The following TMEM163 variants were observed in gnomAD, a reference collection of about 807,000 sequenced individuals.
TMEM163 encodes the protein transmembrane protein 163.
A neutral mutation model predicts 29.3 loss-of-function variants in TMEM163; 17 were observed. The observed-to-expected ratio is 0.58, with a 90% confidence interval of 0.40 to 0.87. The LOEUF (loss-of-function observed/expected upper bound fraction) is 0.87, where lower values mean the gene tolerates loss of function less well. TMEM163 is among the 40% of genes least tolerant of loss of function. The pLI, the probability that TMEM163 is intolerant of heterozygous loss-of-function variation, is 0.00. For missense variants in TMEM163, 303 were observed against 381.5 expected (o/e 0.79, Z 1.71); for synonymous variants, 157 against 160.6 (o/e 0.98, Z 0.17).
At position 134,516,660 on chromosome 2, in the gene TMEM163, T is replaced by G. The variant is rs867466970; in HGVS notation, c.459-13663A>C. On this transcript the variant is annotated intron_variant, in intron 4 of 7. Coordinates refer to ENST00000281924, the MANE Select transcript of TMEM163 (RefSeq NM_030923.5). Reference sequence around the variant, plus strand: ...ATTCATACTTATATTCATACATATATTCATACATATAGTCATACATATATG... The same window carrying G: ...ATTCATACTTATATTCATACATATAGTCATACATATAGTCATACATATATG... Among the ~76,000 whole-genome samples, 119 of 147,514 alleles carry G rather than the reference T, an allele frequency of 8.1e-4. 2 individuals are homozygous for G. In the Middle Eastern group the frequency reaches 0.014, roughly 18 times the overall value.
chr2:134,465,196 A>AAAAAAAAAC (rs1171953438), intron 6 of TMEM163, among the ~76,000 whole-genome samples: 2 of 139,640 alleles, frequency 1.4e-5, no homozygotes, highest in East Asian at 2.2e-4. Context: ...CTTTAAAAAA[A>AAAAAAAAAC]AAAAAAACAA....
chr2:134,486,472 T>C (rs945787964), intron 5 of TMEM163, among the ~76,000 whole-genome samples: 7 of 152,296 alleles, frequency 4.6e-5, no homozygotes, highest in Non-Finnish European at 1.0e-4. Context: ...GTAAACACTA[T>C]TAGCAACAAA....
intron 2 of TMEM163, among the ~76,000 whole-genome samples, chr2:134,629,101 A>G (rs1682915462): frequency 6.6e-6 from 1 of 152,188 alleles, no homozygotes. Context: ...TTTTACATGT[A>G]TTACCTCATT....
intron 2 of TMEM163, among the ~76,000 whole-genome samples, chr2:134,669,740 A>C (rs1683948943): frequency 6.6e-6 from 1 of 152,172 alleles, no homozygotes. Context: ...ATCGGCTTCC[A>C]CCTGGTTGGC....
At chr2:134,499,165 T>C (rs562519062) in intron 5 of TMEM163, among the ~76,000 whole-genome samples, 1 of 151,062 alleles carries the variant, frequency 6.6e-6, no homozygotes, top group Non-Finnish European at 1.5e-5. Flanking sequence ...CCATTTTTAC[T>C]TGTTAATTAA....
intron 2 of TMEM163, among the ~76,000 whole-genome samples, chr2:134,614,875 A>G (rs1682576083): frequency 6.6e-6 from 1 of 152,012 alleles, no homozygotes; most frequent in Non-Finnish European, 1.5e-5. Flanking sequence ...AACAAAACAC[A>G]TTTTCTCTGT....
chr2:134,690,766 GCTGA>G (rs1391054413), intron 2 of TMEM163, among the ~76,000 whole-genome samples: 5 of 152,182 alleles, frequency 3.3e-5, no homozygotes, highest in Non-Finnish European at 5.9e-5. Flanking sequence ...TATTCTCAAG[GCTGA>G]CTAATTAGAC....
In TMEM163 at chr2:134,648,505, A is replaced by T. The variant is rs146289648; in HGVS notation, c.322+64695T>A. 4.7e-3 allele frequency among the ~76,000 whole-genome samples: 709 copies of T among 152,040 alleles called. 5 individuals carry two copies. The highest frequency in any genetic ancestry group is 0.014 in the African/African-American group (600 of 41,446). On this transcript the variant is annotated intron_variant, in intron 2 of 7. Transcript: ENST00000281924. The stretch of plus-strand genomic sequence containing the variant: ...CTTGAGGGTGGGGTGGTTGCTGGGG[A>T]CCCACCCTCTTCTGCCCAGAATTTC...
intron 4 of TMEM163, among the ~76,000 whole-genome samples, chr2:134,540,521 G>A (rs1261239667): frequency 6.6e-6 from 1 of 152,222 alleles, no homozygotes; most frequent in Admixed American, 6.5e-5. Context: ...CTAATTGCTA[G>A]GAAGATGCAT....
intron 2 of TMEM163, among the ~76,000 whole-genome samples, chr2:134,627,008 C>T (rs1054840683): frequency 7.9e-5 from 12 of 152,188 alleles, no homozygotes; most frequent in East Asian, 7.7e-4. Context: ...GCCCATTTCA[C>T]GCCACTCTTG....
intron 2 of TMEM163, among the ~76,000 whole-genome samples, chr2:134,599,566 G>A (rs1413321910): frequency 1.3e-5 from 2 of 152,092 alleles, no homozygotes; most frequent in Non-Finnish European, 2.9e-5. Context: ...CCAGGACTAT[G>A]AGAAACAAAG....
At chr2:134,521,453 T>C (rs1283738547) in intron 4 of TMEM163, among the ~76,000 whole-genome samples, 2 of 152,262 alleles carry the variant, frequency 1.3e-5, no homozygotes, top group East Asian at 1.9e-4. Flanking sequence ...CTCTGGTGAG[T>C]AGAGCTCAGG....
At chr2:134,511,494 TGAGAAAAGACCAAAGAGGGAC>T (rs545903718) in intron 4 of TMEM163, among the ~76,000 whole-genome samples, 44 of 152,274 alleles carry the variant, frequency 2.9e-4, no homozygotes, top group African/African-American at 7.9e-4. Context: ...GCTGCTCTTT[TGAGAAAAGACCAAAGAGGGAC>T]ATGGGTGGAA....
chr2:134,497,748 T>C (rs1380016976), intron 5 of TMEM163, among the ~76,000 whole-genome samples: 1 of 152,164 alleles, frequency 6.6e-6, no homozygotes, highest in East Asian at 1.9e-4. Context: ...TTGCTAAAAG[T>C]CACTCAGCCA....
intron 5 of TMEM163, among the ~76,000 whole-genome samples, chr2:134,489,797 C>T (rs62168982): frequency 1.1e-4 from 16 of 152,244 alleles, no homozygotes; most frequent in East Asian, 5.8e-4. Context: ...AGACCATGAA[C>T]GAGGGCGAAT....
intron 2 of TMEM163, among the ~76,000 whole-genome samples, chr2:134,622,806 A>G (rs1682768797): frequency 6.6e-6 from 1 of 152,088 alleles, no homozygotes; most frequent in Admixed American, 6.6e-5. Context: ...CTTGTTGCCC[A>G]GACTGGAGTG....
At chr2:134,625,572 G>A (rs1303404351) in intron 2 of TMEM163, among the ~76,000 whole-genome samples, 1 of 152,226 alleles carries the variant, frequency 6.6e-6, no homozygotes, top group Non-Finnish European at 1.5e-5. Flanking sequence ...AGATACCTGT[G>A]ATTCTGACTT....
intron 2 of TMEM163, among the ~76,000 whole-genome samples, chr2:134,708,122 A>G (rs1026339774): frequency 6.6e-6 from 1 of 151,908 alleles, no homozygotes; most frequent in Non-Finnish European, 1.5e-5. Context: ...CCTGACTTCA[A>G]ATGATCCACC....
At chr2:134,691,236 A>G (rs969939548) in intron 2 of TMEM163, among the ~76,000 whole-genome samples, 2 of 152,160 alleles carry the variant, frequency 1.3e-5, no homozygotes, top group Non-Finnish European at 2.9e-5. Context: ...CCCCCTCTTC[A>G]TCTCTCTGCT....
Sources: gnomAD v4.1 joint callset for allele counts (sites outside exome capture counted in the v4.1 genomes callset) on GRCh38, gnomAD v4.1.1 for gene constraint, MANE v1.5 for transcripts, NCBI Gene and HGNC (gene_info 2026-07-23, HGNC 2026-07-21) for gene names.